MYH8: variants seen among roughly 807,000 people sequenced by gnomAD.
MYH8 encodes myosin-8.
In MYH8, 168 loss-of-function variants were observed where a neutral mutation model predicts 233.2. That is an observed-to-expected ratio of 0.72 (90% CI 0.64 to 0.82). The LOEUF is 0.82. MYH8 is among the 40% of genes least tolerant of loss of function. The pLI is 0.00. For synonymous variants in MYH8, 785 were observed against 850.6 expected, an observed-to-expected ratio of 0.92 and a Z score of 1.34; for missense variants, 1,995 against 2,327.8, an observed-to-expected ratio of 0.86 and a Z score of 2.94.
intron 2 of MYH8, among the ~76,000 whole-genome samples, chr17:10,420,917 A>T (rs2072333402): frequency 1.3e-5 from 2 of 152,214 alleles, no homozygotes; most frequent in African/African-American, 4.8e-5. Context: ...GCTGTCAGTT[A>T]ACAGATCTAA....
chr17:10,398,994 G>GTGTA (rs1555555758), intron 28 of MYH8, 108 bp from the exon 29 acceptor site: 22,644 of 312,220 alleles, frequency 0.073, 2,106 homozygotes, highest in African/African-American at 0.28. Context: ...ATGTGTGTGT[G>GTGTA]TATATATATA....
chr17:10,406,988 C>A lies in MYH8; in HGVS notation c.1966-9G>T, dbSNP rs1450995355. On this transcript the variant is annotated splice_polypyrimidine_tract_variant and intron_variant, in intron 17 of 39. Transcript: ENST00000403437. ...AATTTATTTAAATTTTCCTAGAAAA[C>A]CAGACAGAAAGGACTTGATGAAAAA... 1 of 1,609,036 alleles carries A rather than the reference C, an allele frequency of 6.2e-7. No individual in the cohort carries two copies. The highest frequency in any genetic ancestry group is 1.1e-5 in the South Asian group (1 of 90,970).
In MYH8 at chr17:10,406,415, G is replaced by A; in HGVS notation, c.2172-18C>T. The A allele has an allele frequency of 6.2e-7, 1 of 1,613,802 alleles. No individual in the cohort carries two copies. The highest frequency in any genetic ancestry group is 8.5e-7 in the Non-Finnish European group (1 of 1,179,794). On this transcript the variant is annotated intron_variant, in intron 19 of 39. Coordinates refer to ENST00000403437, the MANE Select transcript of MYH8 (RefSeq NM_002472.3). ...CCTTGTATCTGCTCAGTTAAAGAAAGAAAGAATGGTTAGGAAAATGTGACC... is the reference window on the plus strand; with the variant it reads ...CCTTGTATCTGCTCAGTTAAAGAAAAAAAGAATGGTTAGGAAAATGTGACC...
In MYH8 at chr17:10,412,673, G is replaced by A. The variant is rs1485233970; in HGVS notation, c.1203C>T (p.Ala401=). The A allele has an allele frequency of 3.1e-6, 5 of 1,614,082 alleles. No individual in the cohort carries two copies. The East Asian group carries it at 1.1e-4, about 36-fold the overall frequency. The change falls in exon 13 of 40, where the codon GCC becomes GCT. Residue 401 remains alanine, a synonymous_variant. Transcript: ENST00000403437. Reference sequence around the variant, plus strand: ...CAACCTTGACCCTAGGGTAGCAGAGGGCTTTGAGTAGGTCTGCAGAGTTCA... The same window carrying A: ...CAACCTTGACCCTAGGGTAGCAGAGAGCTTTGAGTAGGTCTGCAGAGTTCA... ...QSLNSADLLK[A]LCYPRVKVGN...
At chr17:10,393,430 T>G (rs2142167787) in intron 35 of MYH8, among the ~76,000 whole-genome samples, 1 of 152,346 alleles carries the variant, frequency 6.6e-6, no homozygotes, top group African/African-American at 2.4e-5. Context: ...ACTTCTGAGG[T>G]TTGAGAATGC....
chr17:10,413,292 G>A (rs1271142284), intron 12 of MYH8, among the ~76,000 whole-genome samples: 4 of 152,158 alleles, frequency 2.6e-5, no homozygotes, highest in African/African-American at 7.2e-5. Flanking sequence ...TTTAGAGGAG[G>A]AAGAAAGAAT....
intron 5 of MYH8, among the ~76,000 whole-genome samples, chr17:10,418,184 G>C (rs2072304395): frequency 6.6e-6 from 1 of 152,134 alleles, no homozygotes; most frequent in African/African-American, 2.4e-5. Flanking sequence ...ACCCTTAAAG[G>C]CTGGCAATAT....
In MYH8 at chr17:10,410,805, A is replaced by G; in HGVS notation, c.1559T>C (p.Leu520Pro). 2 of 1,613,968 alleles carry G rather than the reference A, an allele frequency of 1.2e-6. No homozygotes were observed. The highest frequency in any genetic ancestry group is 2.2e-5 in the East Asian group (1 of 44,882). The change falls in exon 15 of 40, where the codon CTG becomes CCG. Residue 520 changes from leucine to proline, a missense_variant. This residue lies in a region of MYH8 where 18 missense variants were observed against 46.1 expected (regional missense o/e 0.39). Transcript: ENST00000403437. ...CTCAATGAGCTCAATGCAGGCAGCC[A>G]GGTCCATCCCAAAGTCAATGAACGT... ...EWTFIDFGMDLAACIELIEKP... is the reference protein window; with the variant it reads ...EWTFIDFGMDPAACIELIEKP...
chr17:10,410,290 G>A (rs1269975889), intron 15 of MYH8, among the ~76,000 whole-genome samples: 1 of 152,178 alleles, frequency 6.6e-6, no homozygotes, highest in Non-Finnish European at 1.5e-5. Flanking sequence ...GCGACAGAGT[G>A]AGGCCCTGTC....
In MYH8 at chr17:10,393,991, C is replaced by CTTTTTTTTTTTTTT. The variant is rs35512526; in HGVS notation, c.5166+244_5166+257dup. Among the ~76,000 whole-genome samples the CTTTTTTTTTTTTTT allele has an allele frequency of 8.3e-5, 3 of 35,992 alleles. 1 individual carries two copies. Among genetic ancestry groups the CTTTTTTTTTTTTTT allele is most frequent in the African/African-American group, 3.7e-4 (3 of 8,008 alleles). 23.6% of individuals were successfully genotyped at this position (35,992 alleles called of 152,430 possible). On this transcript the variant is annotated intron_variant, in intron 35 of 39. Coordinates refer to ENST00000403437, the MANE Select transcript of MYH8 (RefSeq NM_002472.3). ...TTATTTTTAAATAAAAAAGTAATAG[C>CTTTTTTTTTTTTTT]TTTTTTTTTTTTTTTTTTTTTTTTT... is the stretch of plus-strand genomic sequence containing the variant.
chr17:10,400,637 T>C lies in MYH8; in HGVS notation c.3488A>G (p.Gln1163Arg). The change falls in exon 27 of 40, where the codon CAG (glutamine) becomes CGG (arginine). Residue 1163 changes from glutamine to arginine, a missense_variant. Physicochemically the swap from Gln to Arg is conservative, Grantham distance 43 (BLOSUM62 1). This residue lies in a region of MYH8 where 1,498 missense variants were observed against 1,680.9 expected (regional missense o/e 0.89). Coordinates refer to ENST00000403437, the MANE Select transcript of MYH8 (RefSeq NM_002472.3). This position sits in a 1 kb window ranked among gnomAD's most constrained non-coding sequence, Gnocchi z 4.0. The stretch of plus-strand genomic sequence containing the variant: ...CTCCCGCTTCTTGTTCAATTCCACC[T>C]GAGCAGAAGTTGCCCCACCGGCTTC... ...LEEAGGATSA[Q>R]VELNKKREAE... is the part of the protein sequence containing the mutation. 6.2e-7 allele frequency: 1 copy of C among 1,614,226 alleles called. No homozygotes were observed. The highest frequency in any genetic ancestry group is 1.1e-5 in the South Asian group (1 of 91,082).
chr17:10,393,861 A>G lies in MYH8; in HGVS notation c.5166+388T>C, dbSNP rs545990435. Reference sequence around the variant, plus strand: ...AGTGCTAAATGCTTAAGTGCTACCAATGAGAAACACTGCATGGAACATTTT... The same window carrying G: ...AGTGCTAAATGCTTAAGTGCTACCAGTGAGAAACACTGCATGGAACATTTT... On this transcript the variant is annotated intron_variant, in intron 35 of 39. Transcript: ENST00000403437. Among the ~76,000 whole-genome samples the G allele has an allele frequency of 7.2e-5, 11 of 152,318 alleles. No individual in the cohort carries two copies. The East Asian group carries it at 1.9e-3, about 27-fold the overall frequency.
intron 17 of MYH8, 26 bp downstream of exon 17, chr17:10,409,071 T>C: frequency 6.3e-7 from 1 of 1,596,968 alleles, no homozygotes; most frequent in Non-Finnish European, 8.6e-7. Context: ...ACTGAGTAGA[T>C]ATTTCAAATT....
At chr17:10,392,754 G>A in intron 37 of MYH8, 77 bp downstream of exon 37, 1 of 1,614,024 alleles carries the variant, frequency 6.2e-7, no homozygotes, top group Non-Finnish European at 8.5e-7. Context: ...CAGGATGGGA[G>A]TCTTGTGTAG....
chr17:10,394,516 G>T, intron 34 of MYH8, 64 bp from the exon 35 acceptor site: 1 of 1,548,334 alleles, frequency 6.5e-7, no homozygotes, highest in Non-Finnish European at 8.9e-7. Context: ...CCCAGGAGAT[G>T]AACTGGGAGA....
At position 10,409,177 on chromosome 17, in the gene MYH8, G is replaced by C; in HGVS notation, c.1898-13C>G. ...TTCGCGCTGCTATCTGAGGTAAAAA[G>C]AAAACCCGTGAATAAGAATAGAATA... On this transcript the variant is annotated splice_polypyrimidine_tract_variant and intron_variant, in intron 16 of 39. Transcript: ENST00000403437. 6.2e-7 allele frequency: 1 copy of C among 1,614,114 alleles called. No homozygotes were observed. Among genetic ancestry groups the C allele is most frequent in the Non-Finnish European group, 8.5e-7 (1 of 1,180,002 alleles).
Position 10,406,786 on chromosome 17 carries a change from A to G in MYH8, c.2075T>C (p.Val692Ala), listed in dbSNP as rs775743614. The G allele has an allele frequency of 1.1e-5, 17 of 1,614,172 alleles. No homozygotes were observed. Among genetic ancestry groups the G allele is most frequent in the Non-Finnish European group, 1.3e-5 (15 of 1,180,014 alleles). ...KTPGAMEHEL[V>A]LHQLRCNGVL... The stretch of plus-strand genomic sequence containing the variant: ...ACCATTACACCTCAGCTGGTGCAAC[A>G]CAAGTTCATGTTCCATTGCCCCTAA... Residue 692 changes from valine (V) to alanine (A), a missense_variant, in exon 19 of 40, where the codon GTG becomes GCG. By Grantham distance (64) the Val-to-Ala change is moderately conservative. Coordinates refer to ENST00000403437, the MANE Select transcript of MYH8 (RefSeq NM_002472.3).
Position 10,398,510 on chromosome 17 carries a change from A to C in MYH8, c.4112T>G (p.Val1371Gly). ...QRALSKANSEVAQWRTKYETD... is the reference protein window; with the variant it reads ...QRALSKANSEGAQWRTKYETD... ...CTCGTATTTGGTTCTCCACTGGGCAACCTCACTGTTGGCCTTGGACAGCGC... is the reference window on the plus strand; with the variant it reads ...CTCGTATTTGGTTCTCCACTGGGCACCCTCACTGTTGGCCTTGGACAGCGC... The change falls in exon 30 of 40, where the codon GTT becomes GGT. Residue 1371 changes from valine to glycine, a missense_variant. Physicochemically the swap from Val to Gly is moderately radical, Grantham distance 109. This residue lies in a region of MYH8 where 1,498 missense variants were observed against 1,680.9 expected (regional missense o/e 0.89). Transcript: ENST00000403437. 9.3e-6 allele frequency: 15 copies of C among 1,614,034 alleles called. No homozygotes were observed. The highest frequency in any genetic ancestry group is 1.3e-5 in the Non-Finnish European group (15 of 1,179,978).
chr17:10,408,971 C>A, intron 17 of MYH8, 126 bp downstream of exon 17: 2 of 861,262 alleles, frequency 2.3e-6, no homozygotes, highest in South Asian at 1.5e-5. Context: ...TGGCTATACT[C>A]TGACGAGAGC....
Sources: allele counts gnomAD v4.1 joint callset (sites outside exome capture counted in the v4.1 genomes callset), GRCh38; gene constraint gnomAD v4.1.1; regional missense constraint gnomAD v4.1.1; non-coding constraint Gnocchi (gnomAD v3.1); transcripts MANE v1.5; gene names NCBI Gene and HGNC (gene_info 2026-07-23, HGNC 2026-07-21).